The following APAF1 variants were observed in gnomAD, a reference collection of about 807,000 sequenced individuals.
The protein encoded by APAF1 is apoptotic protease-activating factor 1.
A neutral mutation model predicts 152.4 loss-of-function variants in APAF1; 91 were observed. The ratio of observed to expected loss-of-function variants is 0.60; its 90% CI spans 0.50 to 0.71. The LOEUF (loss-of-function observed/expected upper bound fraction) is 0.71, where lower values mean the gene tolerates loss of function less well. APAF1 is among the 30% of genes least tolerant of loss of function. The pLI is 0.00. For missense variants in APAF1, 1,283 were observed against 1,472.0 expected, an observed-to-expected ratio of 0.87 and a Z score of 2.10; for synonymous variants, 484 against 494.1, an observed-to-expected ratio of 0.98 and a Z score of 0.27.
intron 18 of APAF1, among the ~76,000 whole-genome samples, chr12:98,703,954 GA>G (rs1234360549): frequency 6.6e-6 from 1 of 152,148 alleles, no homozygotes; most frequent in African/African-American, 2.4e-5. Context: ...AGGCACTAAT[GA>G]ATAAAATAAC....
At chr12:98,695,021 A>G (rs2097708248) in intron 16 of APAF1, among the ~76,000 whole-genome samples, 1 of 150,680 alleles carries the variant, frequency 6.6e-6, no homozygotes, top group Admixed American at 6.6e-5. Context: ...TGTCCAGAGT[A>G]AAAATTTTCT....
intron 12 of APAF1, among the ~76,000 whole-genome samples, chr12:98,674,383 C>A (rs1281191675): frequency 6.6e-6 from 1 of 152,032 alleles, no homozygotes; most frequent in African/African-American, 2.4e-5. Flanking sequence ...CATTTCCCTC[C>A]TACCTTCCCA....
intron 16 of APAF1, among the ~76,000 whole-genome samples, chr12:98,691,509 C>T (rs2153329522): frequency 6.6e-6 from 1 of 152,276 alleles, no homozygotes; most frequent in East Asian, 1.9e-4. Flanking sequence ...TTCCTGACTA[C>T]CTACTCCCTG....
intron 20 of APAF1, among the ~76,000 whole-genome samples, chr12:98,710,592 A>C (rs1385808469): frequency 6.6e-6 from 1 of 151,630 alleles, no homozygotes; most frequent in Non-Finnish European, 1.5e-5. Flanking sequence ...CATTCAAAAA[A>C]TTTTTTTTTG....
chr12:98,687,876 A>G (rs772471980), intron 16 of APAF1, among the ~76,000 whole-genome samples: 13 of 152,042 alleles, frequency 8.6e-5, no homozygotes, highest in Non-Finnish European at 1.9e-4. Flanking sequence ...CAATGGTGTG[A>G]TCTTGGCTCA....
At chr12:98,660,756 T>G (rs2097664034) in intron 5 of APAF1, among the ~76,000 whole-genome samples, 1 of 152,236 alleles carries the variant, frequency 6.6e-6, no homozygotes, top group African/African-American at 2.4e-5. Flanking sequence ...TATAGTATAC[T>G]GAGTGAGAGT....
intron 24 of APAF1, among the ~76,000 whole-genome samples, chr12:98,724,887 A>G (rs1163956725): frequency 6.9e-6 from 1 of 145,094 alleles, no homozygotes; most frequent in Non-Finnish European, 1.5e-5. Flanking sequence ...ATGAGACAAT[A>G]TTGAAAGAAA....
At position 98,727,865 on chromosome 12, in the gene APAF1, C is replaced by T. The variant is rs185027731; in HGVS notation, c.3600+549C>T. On this transcript the variant is annotated intron_variant, in intron 26 of 26. Transcript: ENST00000551964. ...CTGAGGCAGGAGAATCGCTTGAACC[C>T]GGGAGGTGAAGGTTGCAGTGAGCCG... Among the ~76,000 whole-genome samples, 520 of 151,152 alleles carry T rather than the reference C, an allele frequency of 3.4e-3. 2 individuals are homozygous for T. The highest frequency in any genetic ancestry group is 0.011 in the African/African-American group (446 of 41,206).
At chr12:98,729,770 C>G (rs2097757594) in intron 26 of APAF1, among the ~76,000 whole-genome samples, 1 of 152,112 alleles carries the variant, frequency 6.6e-6, no homozygotes, top group Admixed American at 6.5e-5. Flanking sequence ...GTTTTGGTTA[C>G]ATGAGACCCA....
intron 4 of APAF1, among the ~76,000 whole-genome samples, chr12:98,650,536 T>C (rs2097647672): frequency 6.6e-6 from 1 of 151,678 alleles, no homozygotes; most frequent in Admixed American, 6.6e-5. Context: ...TATAACATGA[T>C]CTACGGTTAA....
At chr12:98,722,329 T>C (rs71462248) in intron 22 of APAF1, among the ~76,000 whole-genome samples, 1 of 152,290 alleles carries the variant, frequency 6.6e-6, no homozygotes, top group African/African-American at 2.4e-5. Context: ...TTTGGGTTTG[T>C]TGTTGTATTT....
chr12:98,676,116 G>T (rs760266444), intron 12 of APAF1, among the ~76,000 whole-genome samples: 1 of 152,154 alleles, frequency 6.6e-6, no homozygotes, highest in Admixed American at 6.5e-5. Context: ...ATATTTACTT[G>T]TACTCAAAGT....
chr12:98,693,065 T>TA (rs112776504), intron 16 of APAF1, among the ~76,000 whole-genome samples: 371 of 144,282 alleles, frequency 2.6e-3, no homozygotes, highest in Middle Eastern at 0.022. Flanking sequence ...ATTTTTTGAC[T>TA]AAAAAAAAAA....
intron 20 of APAF1, among the ~76,000 whole-genome samples, chr12:98,710,269 C>T (rs940304002): frequency 2.7e-5 from 4 of 149,798 alleles, no homozygotes; most frequent in Admixed American, 6.7e-5. Context: ...TTGAAGAGCA[C>T]GAATACAGCT....
chr12:98,677,383 T>C, intron 12 of APAF1, 42 bp from the exon 13 acceptor site: 1 of 1,598,764 alleles, frequency 6.3e-7, no homozygotes, highest in Non-Finnish European at 8.6e-7. Flanking sequence ...TTACTTTTAC[T>C]CTCATTTATT....
chr12:98,651,608 A>G (rs2097649079), intron 4 of APAF1, among the ~76,000 whole-genome samples: 1 of 152,212 alleles, frequency 6.6e-6, no homozygotes, highest in Admixed American at 6.5e-5. Flanking sequence ...CTATGTGAGT[A>G]AGAATTTCTT....
chr12:98,658,802 A>G (rs963205014), intron 4 of APAF1, among the ~76,000 whole-genome samples: 1 of 152,216 alleles, frequency 6.6e-6, no homozygotes, highest in Non-Finnish European at 1.5e-5. Flanking sequence ...TGCATAGGAC[A>G]GTCCCTTACA....
intron 16 of APAF1, among the ~76,000 whole-genome samples, chr12:98,698,975 C>T (rs550747059): frequency 7.9e-5 from 12 of 152,294 alleles, no homozygotes; most frequent in Admixed American, 2.0e-4. Flanking sequence ...TGCTAGGTCA[C>T]GACCTAACTT....
At chr12:98,696,864 G>A (rs942133272) in intron 16 of APAF1, among the ~76,000 whole-genome samples, 7 of 152,072 alleles carry the variant, frequency 4.6e-5, no homozygotes, top group African/African-American at 7.2e-5. Context: ...TACTGTACTA[G>A]GTATTTGGAT....
Sources: gnomAD v4.1 joint callset for allele counts (sites outside exome capture counted in the v4.1 genomes callset) on GRCh38, gnomAD v4.1.1 for gene constraint, MANE v1.5 for transcripts, NCBI Gene and HGNC (gene_info 2026-07-23, HGNC 2026-07-21) for gene names.